Variants in CD37 observed in about 807,000 individuals in gnomAD.
CD37 encodes leukocyte antigen CD37.
A neutral mutation model predicts 38.9 loss-of-function variants in CD37; 37 were observed. That is an observed-to-expected ratio of 0.95 (90% confidence interval 0.73 to 1.25). CD37 has a LOEUF of 1.25. CD37 is among the 50% of genes most tolerant of loss of function. The pLI is 0.00. For missense variants in CD37, 351 were observed against 360.1 expected (o/e 0.97, Z 0.20); for synonymous variants, 146 against 150.1 (o/e 0.97, Z 0.20).
At position 49,339,756 on chromosome 19, in the gene CD37, CAGCCTGATCGCT is replaced by C; in HGVS notation, c.768+344_768+355del. 1.4e-6 allele frequency: 2 copies of C among 1,391,168 alleles called. No homozygotes were observed. Among genetic ancestry groups the C allele is most frequent in the Non-Finnish European group, 1.9e-6 (2 of 1,076,328 alleles). 86.2% of individuals were successfully genotyped at this position (1,391,168 alleles called of 1,614,324 possible). A position where few individuals can be genotyped will look rare whatever the true frequency, so the allele number is the denominator to read the frequency against. On this transcript the variant is annotated intron_variant, in intron 7 of 7. Transcript: ENST00000323906. This position sits in a 1 kb window ranked among gnomAD's most constrained non-coding sequence, Gnocchi z 4.5. ...GCGCTGGGGATTCGAGCCCCGGGCC[CAGCCTGATCGCT>C]GACGGCGGCGGCGGGCACAGCGGCA...
chr19:49,338,384 T>C lies in CD37; in HGVS notation c.448-316T>C, dbSNP rs77439714. On this transcript the variant is annotated intron_variant, in intron 5 of 7. Coordinates refer to ENST00000323906, the MANE Select transcript of CD37 (RefSeq NM_001774.3). The surrounding 1 kb of genome is among the most constrained non-coding windows in gnomAD (Gnocchi z 5.0). The stretch of plus-strand genomic sequence containing the variant: ...GACCCCGCCCCCGATGAGACTCACA[T>C]GGTCTCGCACTCCTATTCACCTGTC... Among the ~76,000 whole-genome samples the C allele has an allele frequency of 6.5e-3, 969 of 148,428 alleles. 9 individuals carry two copies. Among genetic ancestry groups the C allele is most frequent in the African/African-American group, 0.023 (932 of 40,394 alleles).
Position 49,339,219 on chromosome 19 carries a change from AG to A in CD37, c.685-107del. Reference sequence around the variant, plus strand: ...AGGAGACTAGAGTGCCCTGGTGACTAGGGGAGCGGGTAGATGCCTGAAGACG... The same window carrying A: ...AGGAGACTAGAGTGCCCTGGTGACTAGGGAGCGGGTAGATGCCTGAAGACG... On this transcript the variant is annotated intron_variant, in intron 6 of 7. Transcript: ENST00000323906. The surrounding 1 kb of genome is among the most constrained non-coding windows in gnomAD (Gnocchi z 4.5). 1.1e-6 allele frequency: 1 copy of A among 946,470 alleles called. No homozygotes were observed. Among genetic ancestry groups the A allele is most frequent in the Non-Finnish European group, 1.7e-6 (1 of 603,300 alleles). 58.6% of individuals were successfully genotyped at this position (946,470 alleles called of 1,614,324 possible).
In CD37 at chr19:49,339,524, G is replaced by A; in HGVS notation, c.768+111G>A. On this transcript the variant is annotated intron_variant, in intron 7 of 7. Coordinates refer to ENST00000323906, the MANE Select transcript of CD37 (RefSeq NM_001774.3). This position sits in a 1 kb window ranked among gnomAD's most constrained non-coding sequence, Gnocchi z 4.5. ...AAGGACGAGCTCAGGGCGGAGCGCA[G>A]CCCACCCCGGCCCTCCCGCCGCTCC... The A allele has an allele frequency of 6.9e-7, 1 of 1,455,840 alleles. No individual in the cohort carries two copies. The highest frequency in any genetic ancestry group is 9.3e-7 in the Non-Finnish European group (1 of 1,079,734). 90.2% of individuals were successfully genotyped at this position (1,455,840 alleles called of 1,614,324 possible).
Position 49,335,671 on chromosome 19 carries a change from T to G in CD37, c.70-43T>G, listed in dbSNP as rs1970924696. 3.1e-6 allele frequency: 5 copies of G among 1,611,302 alleles called. No individual in the cohort carries two copies. The East Asian group carries it at 8.9e-5, about 29-fold the overall frequency. On this transcript the variant is annotated intron_variant, in intron 1 of 7. Transcript: ENST00000323906. The surrounding 1 kb of genome is among the most constrained non-coding windows in gnomAD (Gnocchi z 4.6). Reference sequence around the variant, plus strand: ...CCCTGCCGCTAACCCAGCCCTCATCTTCCCCTGTGGCCCACCCCCGTATCC... The same window carrying G: ...CCCTGCCGCTAACCCAGCCCTCATCGTCCCCTGTGGCCCACCCCCGTATCC...
Position 49,339,011 on chromosome 19 carries a change from G to A in CD37, c.684+75G>A. The A allele has an allele frequency of 3.3e-6, 4 of 1,215,064 alleles. No individual in the cohort carries two copies. In the South Asian group the frequency reaches 3.9e-5, roughly 12 times the overall value. 75.3% of individuals were successfully genotyped at this position (1,215,064 alleles called of 1,614,324 possible). On this transcript the variant is annotated intron_variant, in intron 6 of 7. Transcript: ENST00000323906. This position sits in a 1 kb window ranked among gnomAD's most constrained non-coding sequence, Gnocchi z 4.5. ...GGAGGGGGAGGGCTGTCAGTGAGTA[G>A]CGGCCTGAGAAAGGGCGGGGTCTAC...
intron 4 of CD37, 74 bp downstream of exon 4, chr19:49,337,295 G>A (rs1265079538): frequency 1.4e-6 from 2 of 1,445,296 alleles, no homozygotes; most frequent in African/African-American, 1.4e-5. Context: ...AGAGGGTGGA[G>A]AGAGACCGAA....
rs761343576 is a variant in CD37, at chr19:49,338,955, C to G, written c.684+19C>G. 6.5e-7 allele frequency: 1 copy of G among 1,538,418 alleles called. No homozygotes were observed. The highest frequency in any genetic ancestry group is 9.0e-7 in the Non-Finnish European group (1 of 1,115,100). On this transcript the variant is annotated intron_variant, in intron 6 of 7. Transcript: ENST00000323906. This position sits in a 1 kb window ranked among gnomAD's most constrained non-coding sequence, Gnocchi z 5.0. ...CCGCGAGGTGGGCAGGGGTTCGGAG[C>G]ATAAACCTGTCGAATGGGGCGGGGC...
Position 49,335,738 on chromosome 19 carries a change from T to C in CD37, c.94T>C (p.Phe32Leu). 1 of 1,614,030 alleles carries C rather than the reference T, an allele frequency of 6.2e-7. No homozygotes were observed. Among genetic ancestry groups the C allele is most frequent in the African/African-American group, 1.3e-5 (1 of 75,046 alleles). The change falls in exon 2 of 8, where the codon TTC becomes CTC. Residue 32 changes from phenylalanine (F) to leucine (L), a missense_variant. By Grantham distance (22) the Phe-to-Leu change is conservative (BLOSUM62 0). Transcript: ENST00000323906. This position sits in a 1 kb window ranked among gnomAD's most constrained non-coding sequence, Gnocchi z 4.6. ...FFVLGSLIFCFGIWILIDKTS... is the reference protein window; with the variant it reads ...FFVLGSLIFCLGIWILIDKTS... ...GGTCCTCGGCAGCCTGATCTTCTGC[T>C]TCGGCATCTGGATCCTCATTGACAA...
At position 49,339,442 on chromosome 19, in the gene CD37, C is replaced by T; in HGVS notation, c.768+29C>T. On this transcript the variant is annotated intron_variant, in intron 7 of 7. Transcript: ENST00000323906. This position sits in a 1 kb window ranked among gnomAD's most constrained non-coding sequence, Gnocchi z 4.5. ...ATCTGGCCCCGCCCCCACCCGCGAT[C>T]GGCCCTAAATCCCTAGATGGCCCTG... 1.9e-6 allele frequency: 3 copies of T among 1,601,012 alleles called. No individual in the cohort carries two copies. Among genetic ancestry groups the T allele is most frequent in the Non-Finnish European group, 2.6e-6 (3 of 1,169,738 alleles).
At chr19:49,337,635 C>A in intron 4 of CD37, 4 of 1,495,566 alleles carry the variant, frequency 2.7e-6, no homozygotes, top group Non-Finnish European at 3.6e-6. Context: ...GAAAGACACA[C>A]CGACCTGGAC....
rs1971143125 is a variant in CD37 at position 49,339,861 on chromosome 19, G to C, written c.769-390G>C. On this transcript the variant is annotated intron_variant, in intron 7 of 7. Transcript: ENST00000323906. The surrounding 1 kb of genome is among the most constrained non-coding windows in gnomAD (Gnocchi z 4.5). ...GGGGAGACAAGGCACCGCAGGGCAA[G>C]CTGCCCATGGCCCTGGGGCTCTGGC... The C allele has an allele frequency of 7.5e-7, 1 of 1,333,172 alleles. No homozygotes were observed. The highest frequency in any genetic ancestry group is 3.2e-5 in the East Asian group (1 of 31,078). The allele number at this position is 1,333,172 out of a possible 1,614,324, so 82.6% of individuals were successfully genotyped here. A position where few individuals can be genotyped will look rare whatever the true frequency, so the allele number is the denominator to read the frequency against.
chr19:49,337,950 T>A lies in CD37; in HGVS notation c.368T>A (p.Val123Glu), dbSNP rs775623827. 27 of 1,613,916 alleles carry A rather than the reference T, an allele frequency of 1.7e-5. No individual in the cohort carries two copies. Among genetic ancestry groups the A allele is most frequent in the African/African-American group, 2.7e-5 (2 of 74,886 alleles). ...AQLERSLRDVVEKTIQKYGTN... is the reference protein window; with the variant it reads ...AQLERSLRDVEEKTIQKYGTN... The stretch of plus-strand genomic sequence containing the variant: ...CTGGAGCGAAGCTTGCGGGACGTCG[T>A]AGAGAAAACCATCCAAAAGTACGGC... Residue 123 changes from valine to glutamate, a missense_variant, in exon 5 of 8, where the codon GTA (valine) becomes GAA (glutamate). By Grantham distance (121) the Val-to-Glu change is moderately radical (BLOSUM62 -2). Transcript: ENST00000323906.
At position 49,336,826 on chromosome 19, in the gene CD37, A is replaced by AGCCAC; in HGVS notation, c.143-83_143-82insGCCAC. The AGCCAC allele has an allele frequency of 3.3e-6, 5 of 1,511,546 alleles. 1 individual carries two copies. The allele number at this position is 1,511,546 out of a possible 1,614,324, so 93.6% of individuals were successfully genotyped here. On this transcript the variant is annotated intron_variant, in intron 2 of 7. Coordinates refer to ENST00000323906, the MANE Select transcript of CD37 (RefSeq NM_001774.3). ...GAGGGGCACCAAGATACTGCTCCCC[A>AGCCAC]CTTGGGTGGCTGCCTAGGTGGGAAA...
Position 49,339,460 on chromosome 19 carries a change from T to C in CD37, c.768+47T>C, listed in dbSNP as rs755514468. 1.3e-5 allele frequency: 20 copies of C among 1,578,926 alleles called. No homozygotes were observed. In the Admixed American group the frequency reaches 3.2e-4, roughly 25 times the overall value. On this transcript the variant is annotated intron_variant, in intron 7 of 7. Transcript: ENST00000323906. This position sits in a 1 kb window ranked among gnomAD's most constrained non-coding sequence, Gnocchi z 4.5. ...CCGCGATCGGCCCTAAATCCCTAGA[T>C]GGCCCTGCCCTTCATTTCGCGTCCT... is the stretch of plus-strand genomic sequence containing the variant.
chr19:49,337,368 G>T, intron 4 of CD37, 147 bp downstream of exon 4: 1 of 820,012 alleles, frequency 1.2e-6, no homozygotes, highest in South Asian at 1.6e-5. Context: ...GGTGGCTCAC[G>T]CCTGTAATCC....
Position 49,338,860 on chromosome 19 carries a change from G to A in CD37, c.608G>A (p.Arg203Lys), listed in dbSNP as rs1462951469. 1 of 1,614,152 alleles carries A rather than the reference G, an allele frequency of 6.2e-7. No individual in the cohort carries two copies. The change falls in exon 6 of 8, where the codon AGG becomes AAG. Residue 203 changes from arginine (R) to lysine (K), a missense_variant. By Grantham distance (26) the Arg-to-Lys change is conservative. Transcript: ENST00000323906. This position sits in a 1 kb window ranked among gnomAD's most constrained non-coding sequence, Gnocchi z 5.0. ...LDKVILPQLS[R>K]LGHLARSRHS... Reference sequence around the variant, plus strand: ...AAGGTGATCTTGCCCCAGCTCAGCAGGCTTGGACACCTGGCGCGGTCCAGA... The same window carrying A: ...AAGGTGATCTTGCCCCAGCTCAGCAAGCTTGGACACCTGGCGCGGTCCAGA...
chr19:49,338,216 T>G lies in CD37; in HGVS notation c.447+187T>G, dbSNP rs1971034296. 9 of 1,426,498 alleles carry G rather than the reference T, an allele frequency of 6.3e-6. No individual in the cohort carries two copies. The South Asian group carries it at 1.4e-4, about 22-fold the overall frequency. 88.4% of individuals were successfully genotyped at this position (1,426,498 alleles called of 1,614,324 possible). A position where few individuals can be genotyped will look rare whatever the true frequency, so the allele number is the denominator to read the frequency against. On this transcript the variant is annotated intron_variant, in intron 5 of 7. Transcript: ENST00000323906. This position sits in a 1 kb window ranked among gnomAD's most constrained non-coding sequence, Gnocchi z 5.0. ...TCCCCGGCGTCGCCTGGTCTCCCAG[T>G]ACCCAGACCCTGGCGTGGCTTCGCC...
In CD37 at chr19:49,339,876, G is replaced by A. The variant is rs1235002573; in HGVS notation, c.769-375G>A. On this transcript the variant is annotated intron_variant, in intron 7 of 7. Transcript: ENST00000323906. This position sits in a 1 kb window ranked among gnomAD's most constrained non-coding sequence, Gnocchi z 4.5. ...CGCAGGGCAAGCTGCCCATGGCCCTGGGGCTCTGGCCGCTGTGGGTTCAAG... is the reference window on the plus strand; with the variant it reads ...CGCAGGGCAAGCTGCCCATGGCCCTAGGGCTCTGGCCGCTGTGGGTTCAAG... 8.2e-6 allele frequency: 11 copies of A among 1,342,684 alleles called. No homozygotes were observed. Among genetic ancestry groups the A allele is most frequent in the Non-Finnish European group, 1.1e-5 (11 of 1,041,758 alleles). The allele number at this position is 1,342,684 out of a possible 1,614,324, so 83.2% of individuals were successfully genotyped here. A position where few individuals can be genotyped will look rare whatever the true frequency, so the allele number is the denominator to read the frequency against.
intron 2 of CD37, chr19:49,336,566 A>C (rs974597120): frequency 2.1e-4 from 44 of 211,220 alleles, no homozygotes; most frequent in South Asian, 3.8e-4. Context: ...TCAAAAAAAA[A>C]CCCTAAGAAA....
Sources: allele counts gnomAD v4.1 joint callset (sites outside exome capture counted in the v4.1 genomes callset), GRCh38; gene constraint gnomAD v4.1.1; non-coding constraint Gnocchi (gnomAD v3.1); transcripts MANE v1.5; gene names NCBI Gene and HGNC (gene_info 2026-07-23, HGNC 2026-07-21).